BRCC3: variants seen among roughly 807,000 people sequenced by gnomAD.
BRCC3 encodes the protein BRCA1/BRCA2-containing complex subunit 3.
A neutral mutation model predicts 28.0 loss-of-function variants in BRCC3; 15 were observed. That is an observed-to-expected ratio of 0.54 (90% CI 0.36 to 0.82). BRCC3 has a LOEUF of 0.82. Ranked by LOEUF, BRCC3 falls within the 40% of genes least tolerant of loss-of-function variation. The pLI is 0.01. For synonymous variants in BRCC3, 66 were observed against 80.3 expected, an observed-to-expected ratio of 0.82 and a Z score of 0.95; for missense variants, 109 against 225.9, an observed-to-expected ratio of 0.48 and a Z score of 3.32.
chrX:155,087,120 C>G (rs1324275065), intron 5 of BRCC3, among the ~76,000 whole-genome samples: 5 of 112,139 alleles, frequency 4.5e-5, no homozygotes, highest in African/African-American at 1.6e-4. Context: ...AGGATGACAG[C>G]TCCTCGCGGG....
At position 155,122,998 on chromosome X, in the gene BRCC3, A is replaced by G. The variant is rs1011068326; in HGVS notation, c.*1794A>G. The stretch of plus-strand genomic sequence containing the variant: ...GAGTCTTTACCTGTGCTGAAGTTGT[A>G]TGGACCTACATACACACAAATGAAT... On this transcript the variant is annotated 3_prime_UTR_variant, in exon 11 of 11. Coordinates refer to ENST00000330045, the MANE Select transcript of BRCC3 (RefSeq NM_001018055.3). The G allele has an allele frequency of 4.5e-5, 5 of 111,523 alleles. No individual in the cohort carries two copies. The East Asian group carries it at 1.1e-3, about 25-fold the overall frequency. 9.2% of individuals were successfully genotyped at this position (111,523 alleles called of 1,213,427 possible).
At chrX:155,075,389 TCATAAATGCTTTATTGATTCCTG>T (rs1372633577) in intron 3 of BRCC3, among the ~76,000 whole-genome samples, 2 of 73,018 alleles carry the variant, frequency 2.7e-5, no homozygotes, top group African/African-American at 2.2e-4. Flanking sequence ...TTTTGTCCAC[TCATAAATGCTTTATTGATTCCTG>T]CATTGATGCT....
At chrX:155,093,534 C>G (rs1211383040) in intron 7 of BRCC3, among the ~76,000 whole-genome samples, 1 of 105,833 alleles carries the variant, frequency 9.4e-6, no homozygotes, top group Non-Finnish European at 2.0e-5. Context: ...CAGTGTTCTC[C>G]TTAATTTATC....
At chrX:155,078,792 C>T in intron 5 of BRCC3, 89 bp downstream of exon 5, 1 of 591,653 alleles carries the variant, frequency 1.7e-6, no homozygotes, top group Non-Finnish European at 2.6e-6. Flanking sequence ...TTATTTTAAA[C>T]CAAAATTTGA....
At chrX:155,086,584 C>T (rs1337213293) in intron 5 of BRCC3, among the ~76,000 whole-genome samples, 2 of 110,471 alleles carry the variant, frequency 1.8e-5, no homozygotes, top group East Asian at 5.7e-4. Context: ...GTCTCAAACT[C>T]ATGACCTCAG....
chrX:155,104,033 T>G (rs1475165869), intron 7 of BRCC3, among the ~76,000 whole-genome samples: 2 of 111,465 alleles, frequency 1.8e-5, no homozygotes, highest in African/African-American at 6.5e-5. Flanking sequence ...AAAGTCTCAT[T>G]TGGATCTTTT....
Position 155,122,198 on chromosome X carries a change from G to A in BRCC3, c.*994G>A, listed in dbSNP as rs1557299562. On this transcript the variant is annotated 3_prime_UTR_variant, in exon 11 of 11. Transcript: ENST00000330045. ...CAATTAGAAAATGGGCAAAAGACAT[G>A]AATAGATGTTTCACTGAAGAGGATC... The A allele has an allele frequency of 9.1e-6, 1 of 110,442 alleles. No homozygotes were observed. The highest frequency in any genetic ancestry group is 1.9e-5 in the Non-Finnish European group (1 of 52,878). The allele number at this position is 110,442 out of a possible 1,213,427, so 9.1% of individuals were successfully genotyped here.
At chrX:155,112,761 C>G (rs2074329594) in intron 7 of BRCC3, among the ~76,000 whole-genome samples, 1 of 112,214 alleles carries the variant, frequency 8.9e-6, no homozygotes, top group Admixed American at 9.4e-5. Flanking sequence ...GTGGAAACCT[C>G]ACAAAACTGT....
rs200996414 is a variant in BRCC3, at chrX:155,092,849, ACT to A, written c.548+2015_548+2016del. ...TCACTGTGTCATTTTGCTGGAAAAG[ACT>A]CTCTAGTAACTTCCTAAGAATGGTG... is the stretch of plus-strand genomic sequence containing the variant. On this transcript the variant is annotated intron_variant, in intron 7 of 10. Coordinates refer to ENST00000330045, the MANE Select transcript of BRCC3 (RefSeq NM_001018055.3). Among the ~76,000 whole-genome samples, 850 of 110,050 alleles carry A rather than the reference ACT, an allele frequency of 7.7e-3. 9 individuals carry two copies. The highest frequency in any genetic ancestry group is 0.025 in the African/African-American group (766 of 30,275).
chrX:155,086,876 C>A (rs1375227006), intron 5 of BRCC3, among the ~76,000 whole-genome samples: 2 of 112,210 alleles, frequency 1.8e-5, no homozygotes, highest in Non-Finnish European at 1.9e-5. Flanking sequence ...GCTCCGATGT[C>A]ATTAAAGCAT....
rs1557294174 is a variant in BRCC3 at position 155,081,351 on chromosome X, T to G, written c.403+2648T>G. On this transcript the variant is annotated intron_variant, in intron 5 of 10. Coordinates refer to ENST00000330045, the MANE Select transcript of BRCC3 (RefSeq NM_001018055.3). ...TGTCTCAAAAAAAAAAAAAAAAAAG[T>G]ACAGTAATGAAACTATGGGTACAAC... 1.0e-4 allele frequency among the ~76,000 whole-genome samples: 10 copies of G among 98,093 alleles called. No individual in the cohort carries two copies. In the South Asian group the frequency reaches 4.5e-3, roughly 44 times the overall value. The allele number at this position is 98,093 out of a possible 115,157, so 85.2% of individuals were successfully genotyped here.
chrX:155,120,113 A>G lies in BRCC3; in HGVS notation c.839A>G (p.Lys280Arg), dbSNP rs782480126. ...QQHLQELQQE[K>R]EELMQELSSL... ...CATTTGCAGGAATTACAACAAGAAAAGGAAGAGCTTATGCAAGAACTTTCT... is the reference window on the plus strand; with the variant it reads ...CATTTGCAGGAATTACAACAAGAAAGGGAAGAGCTTATGCAAGAACTTTCT... Residue 280 changes from lysine (K) to arginine (R), a missense_variant, in exon 10 of 11, where the codon AAG (lysine) becomes AGG (arginine). This residue lies in a region of BRCC3 where 50 missense variants were observed against 115.2 expected (regional missense o/e 0.43). Coordinates refer to ENST00000330045, the MANE Select transcript of BRCC3 (RefSeq NM_001018055.3). 8.3e-7 allele frequency: 1 copy of G among 1,210,014 alleles called. No individual in the cohort carries two copies. The highest frequency in any genetic ancestry group is 1.1e-6 in the Non-Finnish European group (1 of 894,088).
intron 7 of BRCC3, among the ~76,000 whole-genome samples, chrX:155,105,209 A>G (rs988437997): frequency 6.2e-5 from 7 of 112,326 alleles, no homozygotes; most frequent in South Asian, 3.7e-4. Flanking sequence ...TTAGGTGGGC[A>G]CAGTGGCTCA....
intron 5 of BRCC3, among the ~76,000 whole-genome samples, chrX:155,080,592 T>G (rs1557294089): frequency 3.6e-5 from 4 of 112,292 alleles, no homozygotes; most frequent in Non-Finnish European, 5.6e-5. Flanking sequence ...ATAGATATCC[T>G]ACCTGAACAA....
intron 7 of BRCC3, among the ~76,000 whole-genome samples, chrX:155,099,869 A>C (rs2074236299): frequency 9.0e-6 from 1 of 111,263 alleles, no homozygotes; most frequent in Non-Finnish European, 1.9e-5. Flanking sequence ...ATGTGGCAGT[A>C]TTTCTGCCAT....
chrX:155,074,781 G>A (rs782645380), intron 3 of BRCC3, among the ~76,000 whole-genome samples: 20 of 111,994 alleles, frequency 1.8e-4, no homozygotes, highest in Admixed American at 1.4e-3. Flanking sequence ...GTTGCATAGT[G>A]TATTTTTTAT....
intron 7 of BRCC3, among the ~76,000 whole-genome samples, chrX:155,092,861 C>A (rs2074183827): frequency 9.0e-6 from 1 of 111,234 alleles, no homozygotes; most frequent in African/African-American, 3.3e-5. Context: ...TCTCTAGTAA[C>A]TTCCTAAGAA....
At chrX:155,095,131 A>G (rs2074201358) in intron 7 of BRCC3, among the ~76,000 whole-genome samples, 1 of 111,580 alleles carries the variant, frequency 9.0e-6, no homozygotes, top group Non-Finnish European at 1.9e-5. Flanking sequence ...ATTTTCTTTG[A>G]GTGTAATGTT....
intron 5 of BRCC3, among the ~76,000 whole-genome samples, chrX:155,085,379 A>G (rs1288749990): frequency 1.8e-5 from 2 of 112,579 alleles, no homozygotes; most frequent in South Asian, 3.6e-4. Flanking sequence ...ATTGCCCACA[A>G]AGGGGCCCAG....
Sources: gnomAD v4.1 joint callset for allele counts (sites outside exome capture counted in the v4.1 genomes callset) on GRCh38, gnomAD v4.1.1 for gene constraint, gnomAD v4.1.1 regional missense constraint, MANE v1.5 for transcripts, NCBI Gene and HGNC (gene_info 2026-07-23, HGNC 2026-07-21) for gene names.